Variants in FGF14 observed in about 807,000 individuals in gnomAD.
FGF14 encodes fibroblast growth factor 14.
A neutral mutation model predicts 25.5 loss-of-function variants in FGF14; 5 were observed. The observed-to-expected ratio is 0.20, with a 90% CI of 0.10 to 0.41. FGF14 has a LOEUF of 0.41. Among genes scored for constraint, FGF14 ranks in the 10% least tolerant of loss-of-function variants. The pLI is 1.00. For synonymous variants in FGF14, 138 were observed against 118.3 expected (o/e 1.17, Z -1.08); for missense variants, 222 against 320.1 (o/e 0.69, Z 2.34).
chr13:102,068,789 C>T (rs1273736575), intron 1 of FGF14, among the ~76,000 whole-genome samples: 2 of 152,218 alleles, frequency 1.3e-5, no homozygotes, highest in Non-Finnish European at 2.9e-5. Context: ...GCCCGAGCCT[C>T]CCCGACGAGC....
chr13:102,184,040 C>G (rs1283551228), intron 1 of FGF14, among the ~76,000 whole-genome samples: 1 of 152,166 alleles, frequency 6.6e-6, no homozygotes, highest in East Asian at 1.9e-4. Context: ...ACTTAGCCTT[C>G]TTTGCACATT....
At chr13:101,846,686 G>A (rs2043479937) in intron 3 of FGF14, among the ~76,000 whole-genome samples, 1 of 152,048 alleles carries the variant, frequency 6.6e-6, no homozygotes, top group African/African-American at 2.4e-5. Flanking sequence ...TACATACTAA[G>A]ATAGCCAGAG....
intron 3 of FGF14, among the ~76,000 whole-genome samples, chr13:101,750,904 A>G (rs61965128): frequency 0.05 from 7,618 of 152,272 alleles, 214 homozygotes; most frequent in Middle Eastern, 0.065. Flanking sequence ...CCTTAAATGC[A>G]TATTACTAAG....
upstream of FGF14, among the ~76,000 whole-genome samples, chr13:101,920,682 A>C (rs1018314616): frequency 5.9e-5 from 9 of 151,518 alleles, no homozygotes; most frequent in African/African-American, 1.7e-4. Flanking sequence ...CCTCACCACC[A>C]CCCCCCCACA....
intron 1 of FGF14, among the ~76,000 whole-genome samples, chr13:101,914,281 TTTG>T (rs1566426774): frequency 2.0e-5 from 3 of 151,496 alleles, no homozygotes; most frequent in African/African-American, 7.3e-5. Context: ...AGTCTTAATA[TTTG>T]TTTTGCTTAA....
rs1162705591 is a variant in FGF14 at position 101,871,557 on chromosome 13, T to C, written c.305-2729A>G. ...AAGGTGAGAGGGACTTTTGAGGTTT[T>C]AACATTACCATAGTTAATAGTGTAT... On this transcript the variant is annotated intron_variant, in intron 2 of 4. Transcript: ENST00000376143. Among the ~76,000 whole-genome samples the C allele has an allele frequency of 6.6e-5, 10 of 152,224 alleles. 1 individual carries two copies. In the East Asian group the frequency reaches 1.9e-3, roughly 30 times the overall value.
chr13:101,942,088 T>C (rs1236171195), intron 1 of FGF14, among the ~76,000 whole-genome samples: 1 of 152,206 alleles, frequency 6.6e-6, no homozygotes, highest in African/African-American at 2.4e-5. Flanking sequence ...AAACTAATAT[T>C]TTTCTCTTAA....
intron 1 of FGF14, among the ~76,000 whole-genome samples, chr13:102,197,778 C>T (rs901591149): frequency 6.6e-6 from 1 of 152,058 alleles, no homozygotes; most frequent in Non-Finnish European, 1.5e-5. Context: ...TTGAAACAGT[C>T]TCCCAACAGC....
intron 1 of FGF14, among the ~76,000 whole-genome samples, chr13:102,154,944 A>G (rs1422847777): frequency 6.6e-6 from 1 of 152,216 alleles, no homozygotes; most frequent in Non-Finnish European, 1.5e-5. Context: ...AAAAGGATCA[A>G]TTCAACAAGA....
Position 101,823,352 on chromosome 13 carries a change from A to T in FGF14, c.408+45373T>A, listed in dbSNP as rs2042247898. ...CTGTATATGTATATACATACAAAAA[A>T]TAGTATATTTTATATATATTATAAA... On this transcript the variant is annotated intron_variant, in intron 3 of 4. Coordinates refer to ENST00000376143, the MANE Select transcript of FGF14 (RefSeq NM_004115.4). Among the ~76,000 whole-genome samples the T allele has an allele frequency of 2.0e-5, 3 of 149,394 alleles. No homozygotes were observed. In the East Asian group the frequency reaches 5.8e-4, roughly 29 times the overall value.
intron 1 of FGF14, among the ~76,000 whole-genome samples, chr13:101,960,227 T>C (rs1334133170): frequency 6.6e-6 from 1 of 152,246 alleles, no homozygotes; most frequent in African/African-American, 2.4e-5. Flanking sequence ...TTCTGGGACA[T>C]ATGGGCAGTG....
intron 1 of FGF14, among the ~76,000 whole-genome samples, chr13:102,115,745 G>T (rs1351522443): frequency 6.6e-6 from 1 of 152,046 alleles, no homozygotes; most frequent in African/African-American, 2.4e-5. Flanking sequence ...CAATACCTTG[G>T]TGACAAGATC....
intron 1 of FGF14, among the ~76,000 whole-genome samples, chr13:102,115,741 C>T (rs1419284338): frequency 2.0e-5 from 3 of 152,188 alleles, no homozygotes; most frequent in Admixed American, 2.0e-4. Context: ...TGCTCAATAC[C>T]TTGGTGACAA....
intron 1 of FGF14, among the ~76,000 whole-genome samples, chr13:101,901,524 T>C (rs1015296910): frequency 6.6e-6 from 1 of 151,986 alleles, no homozygotes; most frequent in Admixed American, 6.6e-5. Context: ...GACAACATGG[T>C]GAAACTCTGT....
chr13:102,115,613 G>A (rs150663686), intron 1 of FGF14, among the ~76,000 whole-genome samples: 37 of 152,098 alleles, frequency 2.4e-4, no homozygotes, highest in Non-Finnish European at 4.9e-4. Context: ...TATGGATTCC[G>A]GACAGGAGCT....
intron 1 of FGF14, among the ~76,000 whole-genome samples, chr13:102,052,158 A>G (rs979566037): frequency 3.9e-5 from 6 of 152,144 alleles, no homozygotes; most frequent in Non-Finnish European, 8.8e-5. Context: ...TGTATTCAGG[A>G]GATAATATCT....
At chr13:102,343,808 G>A (rs1286148041) in intron 1 of FGF14, among the ~76,000 whole-genome samples, 7 of 152,104 alleles carry the variant, frequency 4.6e-5, no homozygotes, top group Admixed American at 1.3e-4. Context: ...GCAGGAAAAA[G>A]AAAAGCCATT....
chr13:102,259,772 C>T (rs2052627318), intron 1 of FGF14, among the ~76,000 whole-genome samples: 1 of 152,182 alleles, frequency 6.6e-6, no homozygotes, highest in South Asian at 2.1e-4. Flanking sequence ...ACATCCCATA[C>T]TAGCCCAAGA....
chr13:102,050,666 C>A (rs185461750), intron 1 of FGF14, among the ~76,000 whole-genome samples: 29 of 152,152 alleles, frequency 1.9e-4, no homozygotes, highest in Admixed American at 1.7e-3. Flanking sequence ...AAGAGACAAG[C>A]CTTCATCCCA....
Sources: gnomAD v4.1 joint callset for allele counts (sites outside exome capture counted in the v4.1 genomes callset) on GRCh38, gnomAD v4.1.1 for gene constraint, MANE v1.5 for transcripts, NCBI Gene and HGNC (gene_info 2026-07-23, HGNC 2026-07-21) for gene names.